The following C7orf78 variants were observed in gnomAD, a reference collection of about 807,000 sequenced individuals.
C7orf78 encodes the protein chromosome 7 open reading frame 78.
chr7:12,513,043 T>G, the C7orf78 span, among the ~76,000 whole-genome samples: 1 of 108,330 alleles, frequency 9.2e-6, no homozygotes, highest in Non-Finnish European at 1.9e-5. Context: ...TGATTTTGTT[T>G]CTTAGAGTCT....
the C7orf78 span, among the ~76,000 whole-genome samples, chr7:12,534,977 G>GGGAAGGAT: frequency 1.5e-5 from 2 of 130,372 alleles, no homozygotes; most frequent in African/African-American, 2.9e-5. Flanking sequence ...GAAGGAAGGA[G>GGGAAGGAT]GGAAGGAAGG....
chr7:12,488,271 C>A, the C7orf78 span, among the ~76,000 whole-genome samples: 4 of 152,148 alleles, frequency 2.6e-5, no homozygotes, highest in South Asian at 8.3e-4. Context: ...TCTAACAAGA[C>A]TATGAATTAG....
At chr7:12,487,750 A>C in the C7orf78 span, among the ~76,000 whole-genome samples, 1 of 152,054 alleles carries the variant, frequency 6.6e-6, no homozygotes, top group Non-Finnish European at 1.5e-5. Flanking sequence ...TTTCAACTGA[A>C]AATATGAAAA....
At chr7:12,497,638 G>A in the C7orf78 span, among the ~76,000 whole-genome samples, 1 of 152,154 alleles carries the variant, frequency 6.6e-6, no homozygotes, top group African/African-American at 2.4e-5. Context: ...AAACTGCAAG[G>A]CGGCAGCGAG....
At chr7:12,490,169 A>G in the C7orf78 span, among the ~76,000 whole-genome samples, 1 of 152,162 alleles carries the variant, frequency 6.6e-6, no homozygotes, top group African/African-American at 2.4e-5. Flanking sequence ...TTTGAGCACC[A>G]TATCTTATTC....
the C7orf78 span, among the ~76,000 whole-genome samples, chr7:12,531,304 T>G: frequency 5.3e-5 from 8 of 152,346 alleles, no homozygotes; most frequent in East Asian, 1.5e-3. Context: ...TTTGAGAATT[T>G]CATTGCAACC....
the C7orf78 span, among the ~76,000 whole-genome samples, chr7:12,535,634 C>T: frequency 9.2e-5 from 14 of 152,262 alleles, no homozygotes; most frequent in South Asian, 1.0e-3. Context: ...AGAATTAACT[C>T]AAAAGTCCAC....
At chr7:12,502,371 C>G in the C7orf78 span, among the ~76,000 whole-genome samples, 1 of 148,890 alleles carries the variant, frequency 6.7e-6, no homozygotes, top group African/African-American at 2.5e-5. Flanking sequence ...ACAATGAACT[C>G]AAACAAATTT....
the C7orf78 span, among the ~76,000 whole-genome samples, chr7:12,514,286 T>A: frequency 6.6e-6 from 1 of 152,138 alleles, no homozygotes; most frequent in Admixed American, 6.5e-5. Flanking sequence ...CTAATTCCCC[T>A]TTACCATTAT....
At chr7:12,523,967 C>A in the C7orf78 span, among the ~76,000 whole-genome samples, 2 of 152,034 alleles carry the variant, frequency 1.3e-5, no homozygotes, top group African/African-American at 4.8e-5. Context: ...TATAATTCCA[C>A]TAAAATGTGA....
the C7orf78 span, among the ~76,000 whole-genome samples, chr7:12,488,159 T>C: frequency 6.6e-6 from 1 of 152,084 alleles, no homozygotes; most frequent in Non-Finnish European, 1.5e-5. Flanking sequence ...CTGATAGATA[T>C]TATGTTTCTT....
chr7:12,507,460 T>A, the C7orf78 span: 1 of 205,334 alleles, frequency 4.9e-6, no homozygotes, highest in Non-Finnish European at 1.1e-5. Context: ...GAAATATCTC[T>A]GATGGATTCT....
the C7orf78 span, among the ~76,000 whole-genome samples, chr7:12,517,480 A>C: frequency 1.3e-5 from 2 of 152,224 alleles, no homozygotes; most frequent in African/African-American, 4.8e-5. Context: ...GTTTTTGAAC[A>C]CTTTTGTCCT....
At chr7:12,492,810 G>A in the C7orf78 span, among the ~76,000 whole-genome samples, 2 of 152,224 alleles carry the variant, frequency 1.3e-5, no homozygotes, top group Non-Finnish European at 2.9e-5. Context: ...CTTGCTAGAT[G>A]TGAACTGATT....
chr7:12,523,234 G>GAA, the C7orf78 span: 7 of 398,102 alleles, frequency 1.8e-5, no homozygotes, highest in Admixed American at 4.4e-5. Context: ...AAAAAAGGAG[G>GAA]AAAAAAATCA....
chr7:12,521,607 A>G, the C7orf78 span, among the ~76,000 whole-genome samples: 1 of 144,444 alleles, frequency 6.9e-6, no homozygotes, highest in South Asian at 2.2e-4. Context: ...TAGGTTTTTT[A>G]TCATGTCACC....
At chr7:12,523,619 G>C in the C7orf78 span, among the ~76,000 whole-genome samples, 3 of 152,080 alleles carry the variant, frequency 2.0e-5, no homozygotes, top group African/African-American at 4.8e-5. Context: ...AGAACAGAGA[G>C]GTAAGAACCT....
At chr7:12,495,826 A>G in the C7orf78 span, among the ~76,000 whole-genome samples, 4 of 152,182 alleles carry the variant, frequency 2.6e-5, no homozygotes, top group Non-Finnish European at 5.9e-5. Flanking sequence ...AAAAGCGTTC[A>G]TGTTCCTTAA....
At chr7:12,514,143 G>T in the C7orf78 span, among the ~76,000 whole-genome samples, 1 of 152,108 alleles carries the variant, frequency 6.6e-6, no homozygotes, top group Non-Finnish European at 1.5e-5. Context: ...TCAGAGTGGG[G>T]TGTTCAAGTA....
Sources: gnomAD v4.1 joint callset for allele counts (sites outside exome capture counted in the v4.1 genomes callset) on GRCh38, gnomAD v4.1.1 for gene constraint, MANE v1.5 for transcripts, NCBI Gene and HGNC (gene_info 2026-07-23, HGNC 2026-07-21) for gene names.